LMO7: variants seen among roughly 807,000 people sequenced by gnomAD.
LMO7 encodes LIM domain 7, also known as LIM domain only protein 7.
LMO7 carries 120 observed loss-of-function variants against 206.5 expected under a neutral mutation model. That is an observed-to-expected ratio of 0.58 (90% CI 0.50 to 0.68). LMO7 has a LOEUF of 0.68. Among genes scored for constraint, LMO7 ranks in the 30% least tolerant of loss-of-function variants. The pLI is 0.00. For missense variants in LMO7, 1,959 were observed against 1,957.9 expected (o/e 1.00, Z -0.01); for synonymous variants, 706 against 681.5 (o/e 1.04, Z -0.56).
At chr13:75,711,660 C>T (rs1027389465) in intron 1 of LMO7, among the ~76,000 whole-genome samples, 1 of 152,210 alleles carries the variant, frequency 6.6e-6, no homozygotes, top group Non-Finnish European at 1.5e-5. Flanking sequence ...GAAGCCAGTA[C>T]CTCAGTCGGA....
At chr13:75,801,293 A>G (rs1414316143) in intron 7 of LMO7, among the ~76,000 whole-genome samples, 1 of 151,938 alleles carries the variant, frequency 6.6e-6, no homozygotes, top group Admixed American at 6.5e-5. Flanking sequence ...GGCTTTTTTC[A>G]AAAGATTAAA....
At chr13:75,681,736 A>ATATATATGTATATATATATATATGTG (rs1566304947) in intron 1 of LMO7, among the ~76,000 whole-genome samples, 4 of 133,220 alleles carry the variant, frequency 3.0e-5, no homozygotes, top group East Asian at 4.5e-4. Flanking sequence ...ATATATATAT[A>ATATATATGTATATATATATATATGTG]TATATATATA....
intron 17 of LMO7, among the ~76,000 whole-genome samples, chr13:75,834,668 C>T (rs1229638210): frequency 6.6e-6 from 1 of 152,052 alleles, no homozygotes; most frequent in Non-Finnish European, 1.5e-5. Flanking sequence ...GTATCTGCAT[C>T]CAGGAGTTAT....
At chr13:75,816,930 C>G in intron 11 of LMO7, 1 of 317,320 alleles carries the variant, frequency 3.2e-6, no homozygotes, top group Non-Finnish European at 5.7e-6. Flanking sequence ...TTTTTTGAGA[C>G]TTGTATAGGG....
At chr13:75,834,809 C>A (rs186874826) in intron 17 of LMO7, among the ~76,000 whole-genome samples, 2 of 152,278 alleles carry the variant, frequency 1.3e-5, no homozygotes, top group African/African-American at 4.8e-5. Context: ...TTTCAATGTG[C>A]ATTCCATTAA....
At chr13:75,736,890 A>G (rs537098792) in intron 3 of LMO7, among the ~76,000 whole-genome samples, 1 of 152,238 alleles carries the variant, frequency 6.6e-6, no homozygotes, top group Non-Finnish European at 1.5e-5. Context: ...TGACTGATAC[A>G]TATAGGAGAT....
chr13:75,654,310 A>G (rs1248053579), intron 1 of LMO7, among the ~76,000 whole-genome samples: 1 of 152,248 alleles, frequency 6.6e-6, no homozygotes, highest in Admixed American at 6.5e-5. Flanking sequence ...ATCTGGGGCT[A>G]AGGAGGAGGA....
At position 75,841,534 on chromosome 13, in the gene LMO7, G is replaced by C. The variant is rs913237763; in HGVS notation, c.3676-94G>C. The C allele has an allele frequency of 1.2e-5, 11 of 899,994 alleles. No individual in the cohort carries two copies. In the African/African-American group the frequency reaches 1.5e-4, roughly 12 times the overall value. 55.8% of individuals were successfully genotyped at this position (899,994 alleles called of 1,614,324 possible). A position where few individuals can be genotyped will look rare whatever the true frequency, so the allele number is the denominator to read the frequency against. ...TGAGTGGAGTCCTGGGCCAACTATA[G>C]TTAGTAGCATCTAAAACTGAATATA... On this transcript the variant is annotated intron_variant, in intron 23 of 30. Coordinates refer to ENST00000377534, the MANE Select transcript of LMO7 (RefSeq NM_001306080.2).
rs745949011 is a variant in LMO7 at position 75,817,168 on chromosome 13, T to C, written c.1954T>C (p.Ser652Pro). Residue 652 changes from serine to proline, a missense_variant, in exon 12 of 31, where the codon TCC becomes CCC. Coordinates refer to ENST00000377534, the MANE Select transcript of LMO7 (RefSeq NM_001306080.2). ...TGAGTCTTTTTGTTGTAGGAGTAAG[T>C]CCATGAGTGATGTCAGCGCAGAAGA... Reference protein sequence around the residue: ...QKIYGENGSKSMSDVSAEDVQ... With the variant: ...QKIYGENGSKPMSDVSAEDVQ... 1.9e-6 allele frequency: 3 copies of C among 1,611,900 alleles called. No homozygotes were observed. In the South Asian group the frequency reaches 3.3e-5, roughly 18 times the overall value.
chr13:75,642,467 G>A (rs1391254391), intron 1 of LMO7, among the ~76,000 whole-genome samples: 4 of 138,466 alleles, frequency 2.9e-5, no homozygotes, highest in Non-Finnish European at 6.3e-5. Context: ...AAAAAAAAAG[G>A]TGGCACACAC....
At chr13:75,717,796 G>T (rs1158197832) in intron 2 of LMO7, among the ~76,000 whole-genome samples, 2 of 152,186 alleles carry the variant, frequency 1.3e-5, no homozygotes, top group Non-Finnish European at 1.5e-5. Flanking sequence ...TCCATGGGAA[G>T]CCCAGAGGCT....
At chr13:75,847,816 C>T (rs1409146179) in intron 26 of LMO7, among the ~76,000 whole-genome samples, 5 of 152,102 alleles carry the variant, frequency 3.3e-5, no homozygotes, top group Non-Finnish European at 1.5e-5. Context: ...TGTGGTGTGG[C>T]TCTGGCTGTG....
chr13:75,717,236 G>A (rs1332596423), intron 2 of LMO7, among the ~76,000 whole-genome samples: 2 of 151,620 alleles, frequency 1.3e-5, no homozygotes, highest in Non-Finnish European at 2.9e-5. Flanking sequence ...GGTGGCGGGC[G>A]CCTGTAGTCC....
At chr13:75,739,923 A>G (rs1808453136) in intron 3 of LMO7, among the ~76,000 whole-genome samples, 1 of 152,166 alleles carries the variant, frequency 6.6e-6, no homozygotes, top group African/African-American at 2.4e-5. Flanking sequence ...ATTGAAACCA[A>G]GAGATGAGAC....
In LMO7 at chr13:75,678,033, A is replaced by G. The variant is rs1171749677; in HGVS notation, c.70-35149A>G. On this transcript the variant is annotated intron_variant, in intron 1 of 30. Transcript: ENST00000377534. ...TATATGTGCCACATTTTCTTAATCC[A>G]GTCTATCATTGTTGGACATTTGGCT... Among the ~76,000 whole-genome samples, 7 of 152,184 alleles carry G rather than the reference A, an allele frequency of 4.6e-5. 1 individual carries two copies. In the South Asian group the frequency reaches 8.3e-4, roughly 18 times the overall value.
intron 3 of LMO7, among the ~76,000 whole-genome samples, chr13:75,744,223 G>T (rs2046646539): frequency 6.6e-6 from 1 of 152,138 alleles, no homozygotes; most frequent in African/African-American, 2.4e-5. Context: ...ACAATTTGGG[G>T]TCAACATTGT....
intron 14 of LMO7, among the ~76,000 whole-genome samples, chr13:75,822,788 A>G (rs1319411735): frequency 3.0e-5 from 4 of 133,944 alleles, no homozygotes; most frequent in Non-Finnish European, 3.2e-5. Flanking sequence ...ATATATATAT[A>G]TATATATAGT....
intron 3 of LMO7, among the ~76,000 whole-genome samples, chr13:75,728,660 T>C (rs1277622596): frequency 1.4e-5 from 2 of 139,608 alleles, no homozygotes; most frequent in African/African-American, 5.7e-5. Context: ...TTGGCTTTTG[T>C]TGCCATTGCT....
At chr13:75,757,790 C>CTGTGTGTGTGTGTG (rs57536883) in intron 3 of LMO7, among the ~76,000 whole-genome samples, 2 of 143,444 alleles carry the variant, frequency 1.4e-5, no homozygotes, top group Non-Finnish European at 1.6e-5. Context: ...CTCATTGTTT[C>CTGTGTGTGTGTGTG]TGTGTGTGTG....
Sources: allele counts gnomAD v4.1 joint callset (sites outside exome capture counted in the v4.1 genomes callset), GRCh38; gene constraint gnomAD v4.1.1; transcripts MANE v1.5; gene names NCBI Gene and HGNC (gene_info 2026-07-23, HGNC 2026-07-21).